Variants in FBXL13 observed in about 807,000 individuals in gnomAD.
FBXL13 encodes F-box and leucine-rich repeat protein 13.
A neutral mutation model predicts 83.6 loss-of-function variants in FBXL13; 67 were observed. The observed-to-expected ratio is 0.80, with a 90% CI of 0.66 to 0.98. FBXL13 has a LOEUF of 0.98. FBXL13 is among the 50% of genes least tolerant of loss of function. The pLI is 0.00. For missense variants in FBXL13, 822 were observed against 866.5 expected (o/e 0.95, Z 0.64); for synonymous variants, 272 against 299.5 (o/e 0.91, Z 0.95).
At position 102,883,686 on chromosome 7, in the gene FBXL13, C is replaced by A; in HGVS notation, c.1108-1G>T. 6.4e-7 allele frequency: 1 copy of A among 1,570,044 alleles called. No individual in the cohort carries two copies. The highest frequency in any genetic ancestry group is 8.7e-7 in the Non-Finnish European group (1 of 1,144,822). Reference sequence around the variant, plus strand: ...TACGAGAGCATTTTTCAACTAAAGCCTTTAGAAGAAAAAAATGATTAAATT... The same window carrying A: ...TACGAGAGCATTTTTCAACTAAAGCATTTAGAAGAAAAAAATGATTAAATT... On this transcript the variant is annotated splice_acceptor_variant, in intron 12 of 19. Coordinates refer to ENST00000313221, the Ensembl canonical transcript of FBXL13. LOFTEE classifies it high-confidence loss of function.
intron 8 of FBXL13, among the ~76,000 whole-genome samples, chr7:102,955,331 T>C (rs1183718639): frequency 6.6e-6 from 1 of 152,074 alleles, no homozygotes; most frequent in Non-Finnish European, 1.5e-5. Flanking sequence ...ATAAACATGT[T>C]CTTTGAAGCC....
chr7:103,012,263 T>C (rs141249386), intron 6 of FBXL13, among the ~76,000 whole-genome samples: 7,636 of 151,508 alleles, frequency 0.05, 270 homozygotes, highest in South Asian at 0.13. Flanking sequence ...TAATCCCACC[T>C]ACTCAGGAGG....
At chr7:103,040,318 C>G (rs1331824716) in intron 2 of FBXL13, among the ~76,000 whole-genome samples, 1 of 152,134 alleles carries the variant, frequency 6.6e-6, no homozygotes, top group African/African-American at 2.4e-5. Flanking sequence ...CACCCAGATT[C>G]ATAAAGCAAG....
chr7:103,030,113 C>T (rs1794349007), intron 2 of FBXL13: 2 of 152,120 alleles, frequency 1.3e-5, no homozygotes, highest in African/African-American at 2.4e-5. Flanking sequence ...GATATACAAA[C>T]ATATGGTCAC....
chr7:102,864,329 A>C (rs1807305552), intron 16 of FBXL13, among the ~76,000 whole-genome samples: 2 of 152,050 alleles, frequency 1.3e-5, no homozygotes, highest in South Asian at 4.2e-4. Context: ...AAAAGCTAAA[A>C]AGCTTCCCTT....
intron 9 of FBXL13, among the ~76,000 whole-genome samples, chr7:102,931,142 C>T (rs1819096142): frequency 6.6e-6 from 1 of 152,036 alleles, no homozygotes; most frequent in African/African-American, 2.4e-5. Context: ...CACTTGGGGA[C>T]AAAGGGAAAG....
chr7:102,877,330 A>G (rs1809403979), intron 16 of FBXL13, 137 bp downstream of exon 17: 1 of 739,300 alleles, frequency 1.4e-6, no homozygotes, highest in South Asian at 4.4e-5. Context: ...CCTTCTAGAA[A>G]CAATATCCCT....
chr7:102,937,486 G>A (rs1427824842), intron 8 of FBXL13, among the ~76,000 whole-genome samples: 1 of 119,106 alleles, frequency 8.4e-6, no homozygotes, highest in Admixed American at 1.0e-4. Flanking sequence ...CAGCCTGGGC[G>A]ACAGAGCAAG....
At chr7:102,990,775 C>T (rs1256811683) in intron 6 of FBXL13, among the ~76,000 whole-genome samples, 3 of 152,124 alleles carry the variant, frequency 2.0e-5, no homozygotes, top group East Asian at 1.9e-4. Context: ...AAAGAGAGCA[C>T]GTGATGGGTG....
At chr7:102,889,578 C>T (rs1811256804) in intron 11 of FBXL13, among the ~76,000 whole-genome samples, 1 of 151,992 alleles carries the variant, frequency 6.6e-6, no homozygotes, top group Admixed American at 6.5e-5. Flanking sequence ...CACCCTCTGA[C>T]AGGCCCCCGT....
At chr7:103,056,277 CTT>C (rs1356678512) in intron 1 of FBXL13, among the ~76,000 whole-genome samples, 1 of 152,082 alleles carries the variant, frequency 6.6e-6, no homozygotes, top group East Asian at 1.9e-4. Context: ...TTGATGGACA[CTT>C]GGGCTGGTTC....
At chr7:102,912,950 G>A (rs1249220546) in intron 11 of FBXL13, 136 bp downstream of exon 12, 2 of 1,159,532 alleles carry the variant, frequency 1.7e-6, no homozygotes, top group East Asian at 2.6e-5. Context: ...CAGCAGCTGG[G>A]GCCATGTAAT....
intron 7 of FBXL13, among the ~76,000 whole-genome samples, chr7:102,966,800 GA>G (rs1205493691): frequency 6.6e-6 from 1 of 152,182 alleles, no homozygotes; most frequent in East Asian, 1.9e-4. Flanking sequence ...AAGGCAATGA[GA>G]AATTGCCTGT....
intron 10 of FBXL13, among the ~76,000 whole-genome samples, chr7:102,924,989 T>C (rs1464781226): frequency 6.6e-6 from 1 of 152,206 alleles, no homozygotes; most frequent in Non-Finnish European, 1.5e-5. Flanking sequence ...AAAAAAGCTA[T>C]ATTCTCAAAA....
chr7:103,034,629 C>T (rs1794891678), intron 2 of FBXL13, among the ~76,000 whole-genome samples: 1 of 152,360 alleles, frequency 6.6e-6, no homozygotes, highest in Admixed American at 6.5e-5. Flanking sequence ...CCGGCCTTGG[C>T]CAGCCCAGAA....
intron 1 of FBXL13, among the ~76,000 whole-genome samples, chr7:103,057,303 G>A (rs1050795287): frequency 5.9e-5 from 9 of 152,146 alleles, no homozygotes; most frequent in African/African-American, 2.2e-4. Flanking sequence ...TGTACCGTGA[G>A]GGTTTGCATT....
At chr7:103,070,909 G>A (rs1585663556) in intron 1 of FBXL13, among the ~76,000 whole-genome samples, 1 of 152,184 alleles carries the variant, frequency 6.6e-6, no homozygotes, top group Non-Finnish European at 1.5e-5. Context: ...CAACACTGGG[G>A]ATCAAATTTT....
At chr7:102,968,196 TGTGCACACATGTGC>T (rs1322450190) in intron 6 of FBXL13, 79 bp from the exon 8 acceptor site, 90 of 851,430 alleles carry the variant, frequency 1.1e-4, no homozygotes, top group Non-Finnish European at 1.6e-4. Flanking sequence ...TGTCTGTGTG[TGTGCACACATGTGC>T]GTGCACACAC....
intron 14 of FBXL13, among the ~76,000 whole-genome samples, chr7:102,880,964 T>A (rs949342881): frequency 2.6e-5 from 4 of 152,176 alleles, no homozygotes; most frequent in Admixed American, 6.5e-5. Context: ...TCACTATTCA[T>A]CTCAAGGAAT....
Sources: allele counts gnomAD v4.1 joint callset (sites outside exome capture counted in the v4.1 genomes callset), GRCh38; gene constraint gnomAD v4.1.1; transcripts MANE v1.5; gene names NCBI Gene and HGNC (gene_info 2026-07-23, HGNC 2026-07-21).